The following JAKMIP2 variants were observed in gnomAD, a reference collection of about 807,000 sequenced individuals.
The protein encoded by JAKMIP2 is janus kinase and microtubule-interacting protein 2.
JAKMIP2 carries 25 observed loss-of-function variants against 115.0 expected under a neutral mutation model. The ratio of observed to expected loss-of-function variants is 0.22; its 90% CI spans 0.16 to 0.30. The LOEUF (loss-of-function observed/expected upper bound fraction) is 0.30. Among genes scored for constraint, JAKMIP2 ranks in the 10% least tolerant of loss-of-function variants. JAKMIP2 has a pLI of 1.00. For synonymous variants in JAKMIP2, 334 were observed against 343.6 expected (o/e 0.97, Z 0.31); for missense variants, 642 against 957.6 (o/e 0.67, Z 4.35).
intron 1 of JAKMIP2, among the ~76,000 whole-genome samples, chr5:147,693,315 C>T (rs972765504): frequency 6.6e-6 from 1 of 152,178 alleles, no homozygotes; most frequent in Admixed American, 6.5e-5. Context: ...ATCTAATAAA[C>T]TAATACTGTT....
chr5:147,649,135 A>C (rs769000728), intron 4 of JAKMIP2, among the ~76,000 whole-genome samples: 1 of 152,158 alleles, frequency 6.6e-6, no homozygotes, highest in Non-Finnish European at 1.5e-5. Context: ...GTTATATAAG[A>C]CTGTTATTAT....
intron 1 of JAKMIP2, among the ~76,000 whole-genome samples, chr5:147,694,730 C>A (rs758652451): frequency 1.6e-4 from 24 of 152,194 alleles, no homozygotes; most frequent in Non-Finnish European, 3.1e-4. Flanking sequence ...CAGATTCACT[C>A]TTCTTTGCTG....
chr5:147,644,760 T>G (rs1758046553), intron 6 of JAKMIP2, 90 bp downstream of exon 6: 11 of 1,213,298 alleles, frequency 9.1e-6, no homozygotes, highest in Non-Finnish European at 1.3e-5. Context: ...GCACTGTATT[T>G]TTAAAATAAG....
At chr5:147,705,430 C>T (rs576989719) in intron 1 of JAKMIP2, among the ~76,000 whole-genome samples, 80 of 152,162 alleles carry the variant, frequency 5.3e-4, no homozygotes, top group Non-Finnish European at 5.9e-5. Flanking sequence ...TGGAGAAACC[C>T]CTTCTCTACT....
At chr5:147,767,131 C>A (rs1210930004) in intron 1 of JAKMIP2, among the ~76,000 whole-genome samples, 1 of 152,100 alleles carries the variant, frequency 6.6e-6, no homozygotes, top group Non-Finnish European at 1.5e-5. Flanking sequence ...GTTTGATGTA[C>A]AGCTTGAATT....
Position 147,585,710 on chromosome 5 carries a change from A to C in JAKMIP2, c.*5997T>G, listed in dbSNP as rs1347658517. The C allele has an allele frequency of 6.6e-6, 1 of 152,200 alleles. No homozygotes were observed. Among genetic ancestry groups the C allele is most frequent in the African/African-American group, 2.4e-5 (1 of 41,450 alleles). 9.4% of individuals were successfully genotyped at this position (152,200 alleles called of 1,614,324 possible). ...ATGGAGTCATGCTAATGAGATGGAA[A>C]GAAAGAACCCCAATTGAGGCAGTTG... is the stretch of plus-strand genomic sequence containing the variant. On this transcript the variant is annotated 3_prime_UTR_variant, in exon 22 of 22. Coordinates refer to ENST00000616793, the MANE Select transcript of JAKMIP2 (RefSeq NM_001270941.2).
chr5:147,712,291 G>A (rs981160609), intron 1 of JAKMIP2, among the ~76,000 whole-genome samples: 1 of 151,724 alleles, frequency 6.6e-6, no homozygotes, highest in African/African-American at 2.4e-5. Context: ...CGTCAGCCCA[G>A]GGAAAGGATT....
chr5:147,675,670 G>T (rs1452346269), intron 1 of JAKMIP2, among the ~76,000 whole-genome samples: 1 of 151,722 alleles, frequency 6.6e-6, no homozygotes, highest in Non-Finnish European at 1.5e-5. Context: ...TATTCCCCAC[G>T]CAGCTCTCTC....
In JAKMIP2 at chr5:147,671,552, A is replaced by G. The variant is rs556239942; in HGVS notation, c.129+126T>C. ...AATAAGCTCTCCATGTTTACAGGGG[A>G]CGTTGCCCTCTCTGGCAAAGGGCAG... On this transcript the variant is annotated intron_variant, in intron 2 of 21. Coordinates refer to ENST00000616793, the MANE Select transcript of JAKMIP2 (RefSeq NM_001270941.2). 21 of 631,834 alleles carry G rather than the reference A, an allele frequency of 3.3e-5. No individual in the cohort carries two copies. In the South Asian group the frequency reaches 1.2e-3, roughly 37 times the overall value. 39.1% of individuals were successfully genotyped at this position (631,834 alleles called of 1,614,324 possible).
At chr5:147,725,677 C>T (rs981476162) in intron 1 of JAKMIP2, among the ~76,000 whole-genome samples, 1 of 152,048 alleles carries the variant, frequency 6.6e-6, no homozygotes, top group Non-Finnish European at 1.5e-5. Context: ...TAATAAAAGG[C>T]AAGGATGCTT....
intron 1 of JAKMIP2, among the ~76,000 whole-genome samples, chr5:147,771,370 G>C (rs749790636): frequency 6.6e-6 from 1 of 151,882 alleles, no homozygotes; most frequent in Non-Finnish European, 1.5e-5. Flanking sequence ...AACAAATTTA[G>C]TGCAATGCTA....
At chr5:147,726,012 G>A (rs1232945691) in intron 1 of JAKMIP2, among the ~76,000 whole-genome samples, 1 of 152,136 alleles carries the variant, frequency 6.6e-6, no homozygotes, top group Non-Finnish European at 1.5e-5. Context: ...CAGTGTTGCT[G>A]CAATAAGTGG....
rs1033831244 is a variant in JAKMIP2 at position 147,587,194 on chromosome 5, A to C, written c.*4513T>G. ...AGGGGCTTGGGTCCATATTGGAAGC[A>C]TAAACTCATGACATAAACAGTCATC... On this transcript the variant is annotated 3_prime_UTR_variant, in exon 22 of 22. Transcript: ENST00000616793. 2 of 152,248 alleles carry C rather than the reference A, an allele frequency of 1.3e-5. No homozygotes were observed. Among genetic ancestry groups the C allele is most frequent in the African/African-American group, 4.8e-5 (2 of 41,478 alleles). The allele number at this position is 152,248 out of a possible 1,614,324, so 9.4% of individuals were successfully genotyped here.
chr5:147,744,479 T>G (rs546552559), intron 1 of JAKMIP2, among the ~76,000 whole-genome samples: 1 of 152,310 alleles, frequency 6.6e-6, no homozygotes, highest in East Asian at 1.9e-4. Context: ...GCATTAAAGA[T>G]GAATAAAAAT....
intron 18 of JAKMIP2, 50 bp from the exon 19 acceptor site, chr5:147,618,164 C>G (rs1286035157): frequency 9.3e-7 from 1 of 1,079,050 alleles, no homozygotes; most frequent in Admixed American, 2.7e-5. Flanking sequence ...GCATTGATAT[C>G]TGGTGTGGGA....
At chr5:147,621,149 T>C (rs1756829936) in intron 17 of JAKMIP2, among the ~76,000 whole-genome samples, 1 of 152,212 alleles carries the variant, frequency 6.6e-6, no homozygotes, top group African/African-American at 2.4e-5. Context: ...CAAATTCATC[T>C]GTGTACAACT....
intron 1 of JAKMIP2, among the ~76,000 whole-genome samples, chr5:147,744,088 A>G (rs899115167): frequency 7.1e-6 from 1 of 140,118 alleles, no homozygotes; most frequent in Non-Finnish European, 1.5e-5. Context: ...TCTCTCTCTC[A>G]TTAAAGCAAG....
At chr5:147,726,461 C>T (rs1470216118) in intron 1 of JAKMIP2, among the ~76,000 whole-genome samples, 2 of 152,214 alleles carry the variant, frequency 1.3e-5, no homozygotes, top group African/African-American at 4.8e-5. Context: ...GGCTTTGGGC[C>T]TCCCTGTGTG....
intron 1 of JAKMIP2, among the ~76,000 whole-genome samples, chr5:147,683,786 A>T (rs1212519320): frequency 6.6e-6 from 1 of 152,186 alleles, no homozygotes; most frequent in African/African-American, 2.4e-5. Context: ...CCTGCTACTT[A>T]AAAAAGGCAG....
Sources: allele counts gnomAD v4.1 joint callset (sites outside exome capture counted in the v4.1 genomes callset), GRCh38; gene constraint gnomAD v4.1.1; transcripts MANE v1.5; gene names NCBI Gene and HGNC (gene_info 2026-07-23, HGNC 2026-07-21).